Variants in SYNPO2 observed in about 807,000 individuals in gnomAD.
SYNPO2 encodes the protein synaptopodin 2.
Under a neutral mutation model 85.0 loss-of-function variants are expected in SYNPO2, and 56 were observed. The ratio of observed to expected loss-of-function variants is 0.66; its 90% CI spans 0.53 to 0.82. The LOEUF (loss-of-function observed/expected upper bound fraction) is 0.82. SYNPO2 is among the 40% of genes least tolerant of loss of function. The pLI, the probability that SYNPO2 is intolerant of heterozygous loss-of-function variation, is 0.00. For synonymous variants in SYNPO2, 602 were observed against 591.1 expected (o/e 1.02, Z -0.27); for missense variants, 1,575 against 1,534.2 (o/e 1.03, Z -0.44).
intron 1 of SYNPO2, among the ~76,000 whole-genome samples, chr4:118,949,797 A>G (rs188083653): frequency 6.6e-6 from 1 of 152,130 alleles, no homozygotes; most frequent in African/African-American, 2.4e-5. Context: ...TTACATGTCA[A>G]TCACTGAACT....
At chr4:119,023,266 G>A (rs1290986037) in intron 1 of SYNPO2, among the ~76,000 whole-genome samples, 164 bp from the exon 2 acceptor site, 1 of 152,164 alleles carries the variant, frequency 6.6e-6, no homozygotes, top group Non-Finnish European at 1.5e-5. Context: ...GGCTGTGTGT[G>A]TGTTCATAAG....
At chr4:119,008,982 G>T (rs941242149) in intron 1 of SYNPO2, among the ~76,000 whole-genome samples, 6 of 151,946 alleles carry the variant, frequency 3.9e-5, no homozygotes, top group Non-Finnish European at 8.8e-5. Flanking sequence ...CATCATATTT[G>T]GTTTCAAATG....
intron 1 of SYNPO2, among the ~76,000 whole-genome samples, chr4:118,920,991 G>A (rs1733512348): frequency 6.6e-6 from 1 of 151,816 alleles, no homozygotes; most frequent in Admixed American, 6.6e-5. Flanking sequence ...TCAGACTCCT[G>A]GGATCTGGAA....
intron 1 of SYNPO2, among the ~76,000 whole-genome samples, chr4:118,879,516 G>A (rs1055859960): frequency 6.6e-6 from 1 of 152,188 alleles, no homozygotes; most frequent in Non-Finnish European, 1.5e-5. Context: ...AGGACACAAT[G>A]AGAAGACAGT....
At chr4:118,856,402 A>C (rs12512594) in intron 1 of SYNPO2, among the ~76,000 whole-genome samples, 49,475 of 152,096 alleles carry the variant, frequency 0.33, 9,700 homozygotes, top group East Asian at 0.55. Flanking sequence ...AAAACCTAAC[A>C]GAGGATAATG....
At chr4:118,922,347 A>T (rs971261960) in intron 1 of SYNPO2, among the ~76,000 whole-genome samples, 10 of 152,154 alleles carry the variant, frequency 6.6e-5, no homozygotes, top group Admixed American at 2.6e-4. Flanking sequence ...AGAAAGAAAA[A>T]AGTTGGCTTT....
At chr4:118,971,469 A>T (rs1310390588) in intron 1 of SYNPO2, among the ~76,000 whole-genome samples, 1 of 152,244 alleles carries the variant, frequency 6.6e-6, no homozygotes, top group South Asian at 2.1e-4. Flanking sequence ...ATGAAGATGC[A>T]CTGGACAATG....
chr4:119,057,796 G>T lies in SYNPO2; in HGVS notation c.3648G>T (p.Gln1216His), dbSNP rs761677336. 26 of 1,613,932 alleles carry T rather than the reference G, an allele frequency of 1.6e-5. No individual in the cohort carries two copies. Among genetic ancestry groups the T allele is most frequent in the Non-Finnish European group, 2.2e-5 (26 of 1,180,030 alleles). ...NMSTTSQYGS[Q>H]LPYAYYRQAS... Reference sequence around the variant, plus strand: ...CCACCACCTCCCAATATGGTTCACAGTTGCCATATGCATATTATAGGCAGG... The same window carrying T: ...CCACCACCTCCCAATATGGTTCACATTTGCCATATGCATATTATAGGCAGG... The change falls in exon 5 of 5, where the codon CAG becomes CAT. Residue 1216 changes from glutamine to histidine, a missense_variant. Coordinates refer to ENST00000307142, the MANE Select transcript of SYNPO2 (RefSeq NM_133477.3).
intron 4 of SYNPO2, chr4:119,034,789 G>A (rs1738434318): frequency 1.0e-6 from 1 of 985,462 alleles, no homozygotes; most frequent in Non-Finnish European, 1.2e-6. Context: ...CTTTCAGGTT[G>A]GGGCCAAGGA....
chr4:118,929,682 A>G (rs1733856944), intron 1 of SYNPO2, among the ~76,000 whole-genome samples: 2 of 152,112 alleles, frequency 1.3e-5, no homozygotes, highest in African/African-American at 4.8e-5. Flanking sequence ...CAAAATCGAA[A>G]TAACTTTTTC....
intron 1 of SYNPO2, among the ~76,000 whole-genome samples, chr4:118,914,968 T>C (rs1578545783): frequency 1.3e-5 from 2 of 149,490 alleles, no homozygotes; most frequent in African/African-American, 2.5e-5. Context: ...TATTTGGAAG[T>C]ATTTATTATA....
In SYNPO2 at chr4:119,033,289, C is replaced by T. The variant is rs148145861; in HGVS notation, c.3252+1262C>T. ...TGCTTTTTGACAACTGCTTCTCCCACGTTCCTTGCAATTCTATTCTCTCAC... is the reference window on the plus strand; with the variant it reads ...TGCTTTTTGACAACTGCTTCTCCCATGTTCCTTGCAATTCTATTCTCTCAC... On this transcript the variant is annotated intron_variant, in intron 4 of 4. Transcript: ENST00000307142. The T allele has an allele frequency of 4.6e-5, 45 of 985,384 alleles. No homozygotes were observed. In the East Asian group the frequency reaches 3.0e-3, roughly 65 times the overall value. 61.0% of individuals were successfully genotyped at this position (985,384 alleles called of 1,614,324 possible). A position where few individuals can be genotyped will look rare whatever the true frequency, so the allele number is the denominator to read the frequency against.
chr4:118,882,431 C>A (rs371609542), intron 1 of SYNPO2, among the ~76,000 whole-genome samples: 168 of 152,102 alleles, frequency 1.1e-3, no homozygotes, highest in African/African-American at 3.7e-3. Context: ...GTAAAACATG[C>A]GATATTTATT....
chr4:118,861,275 C>T (rs1731605962), intron 1 of SYNPO2, among the ~76,000 whole-genome samples: 1 of 152,162 alleles, frequency 6.6e-6, no homozygotes, highest in South Asian at 2.1e-4. Context: ...GCCTCAGCCT[C>T]CTGAGTAGCT....
chr4:118,949,659 G>A (rs1245309035), intron 1 of SYNPO2, among the ~76,000 whole-genome samples: 1 of 151,942 alleles, frequency 6.6e-6, no homozygotes, highest in African/African-American at 2.4e-5. Context: ...TGAGGCAGGA[G>A]AGTCGCTTGA....
intron 1 of SYNPO2, among the ~76,000 whole-genome samples, chr4:118,897,869 A>G (rs1732599255): frequency 6.6e-6 from 1 of 152,214 alleles, no homozygotes; most frequent in African/African-American, 2.4e-5. Context: ...CATCTCAACA[A>G]GAGCATGCTG....
intron 1 of SYNPO2, among the ~76,000 whole-genome samples, chr4:118,985,209 A>G (rs1411780547): frequency 6.6e-6 from 1 of 152,150 alleles, no homozygotes; most frequent in African/African-American, 2.4e-5. Flanking sequence ...GGAAGGTTGT[A>G]GAGGCAGATA....
chr4:118,861,302 G>T (rs912191582), intron 1 of SYNPO2, among the ~76,000 whole-genome samples: 1 of 152,040 alleles, frequency 6.6e-6, no homozygotes, highest in African/African-American at 2.4e-5. Flanking sequence ...ACAGGCACCC[G>T]CCACCACACC....
chr4:119,007,781 C>T (rs917433520), intron 1 of SYNPO2, among the ~76,000 whole-genome samples: 3 of 151,938 alleles, frequency 2.0e-5, no homozygotes, highest in South Asian at 2.1e-4. Context: ...CTGATATTGG[C>T]GAACCGACAA....
Sources: gnomAD v4.1 joint callset for allele counts (sites outside exome capture counted in the v4.1 genomes callset) on GRCh38, gnomAD v4.1.1 for gene constraint, MANE v1.5 for transcripts, NCBI Gene and HGNC (gene_info 2026-07-23, HGNC 2026-07-21) for gene names.